SUZ12: variants seen among roughly 807,000 people sequenced by gnomAD.
SUZ12 encodes SUZ12 polycomb repressive complex 2 subunit.
A neutral mutation model predicts 87.3 loss-of-function variants in SUZ12; 17 were observed. The ratio of observed to expected loss-of-function variants is 0.19; its 90% CI spans 0.13 to 0.29. SUZ12 has a LOEUF of 0.29. Ranked by LOEUF, SUZ12 falls within the 10% of genes least tolerant of loss-of-function variation. SUZ12 has a pLI of 1.00. For synonymous variants in SUZ12, 253 were observed against 312.4 expected, an observed-to-expected ratio of 0.81 and a Z score of 2.01; for missense variants, 526 against 912.2, an observed-to-expected ratio of 0.58 and a Z score of 5.45.
chr17:31,964,173 C>T (rs1313801302), intron 4 of SUZ12, among the ~76,000 whole-genome samples: 1 of 149,924 alleles, frequency 6.7e-6, no homozygotes, highest in Admixed American at 6.7e-5. Context: ...ACTACAGGCA[C>T]ACGACACCAT....
At chr17:31,993,525 T>G (rs530715) in intron 11 of SUZ12, among the ~76,000 whole-genome samples, 192 bp downstream of exon 11, 23,699 of 152,064 alleles carry the variant, frequency 0.16, 2,064 homozygotes, top group African/African-American at 0.22. Flanking sequence ...GGGTTCAACC[T>G]GATTCTCACG....
At chr17:31,984,222 C>T (rs1909282875) in intron 9 of SUZ12, among the ~76,000 whole-genome samples, 1 of 152,138 alleles carries the variant, frequency 6.6e-6, no homozygotes, top group Admixed American at 6.5e-5. Context: ...GCATATCATT[C>T]AGGCATAGTC....
At chr17:31,947,518 A>C (rs1906704663) in intron 3 of SUZ12, 99 bp from the exon 4 acceptor site, 6 of 1,410,758 alleles carry the variant, frequency 4.3e-6, no homozygotes, top group Non-Finnish European at 4.8e-6. Flanking sequence ...AAATAATCAA[A>C]ATCTGGTTTC....
intron 5 of SUZ12, among the ~76,000 whole-genome samples, chr17:31,971,467 G>GC (rs1412558962): frequency 9.1e-5 from 10 of 110,128 alleles, no homozygotes; most frequent in Non-Finnish European, 1.2e-4. Flanking sequence ...CGCTCTTGTT[G>GC]CCCAGGCTGG....
At chr17:31,969,996 T>C (rs1295496001) in intron 5 of SUZ12, among the ~76,000 whole-genome samples, 3 of 152,140 alleles carry the variant, frequency 2.0e-5, no homozygotes, top group African/African-American at 7.2e-5. Context: ...CAGTCTTGCT[T>C]CATTGCAGCC....
At chr17:31,958,542 C>G (rs1445503918) in intron 4 of SUZ12, among the ~76,000 whole-genome samples, 1 of 151,888 alleles carries the variant, frequency 6.6e-6, no homozygotes, top group African/African-American at 2.4e-5. Context: ...AAAACCCCAT[C>G]TCTACTAAAA....
At chr17:31,974,433 A>G (rs1475563695) in intron 6 of SUZ12, among the ~76,000 whole-genome samples, 1 of 152,168 alleles carries the variant, frequency 6.6e-6, no homozygotes, top group Admixed American at 6.5e-5. Flanking sequence ...AGGCTGAGGC[A>G]GGAGAATGGT....
At chr17:31,949,679 T>TTTTTG (rs1906842300) in intron 4 of SUZ12, among the ~76,000 whole-genome samples, 1 of 54,148 alleles carries the variant, frequency 1.8e-5, no homozygotes, top group African/African-American at 1.0e-4. Flanking sequence ...CCCCCCCCTT[T>TTTTTG]TTTTTTTTTT....
chr17:31,992,847 G>A (rs1159633700), intron 10 of SUZ12, among the ~76,000 whole-genome samples: 1 of 152,118 alleles, frequency 6.6e-6, no homozygotes, highest in African/African-American at 2.4e-5. Context: ...TGGGATTGCA[G>A]GTGCCCGCCA....
chr17:31,956,338 C>T (rs1406003340), intron 4 of SUZ12, among the ~76,000 whole-genome samples: 1 of 151,956 alleles, frequency 6.6e-6, no homozygotes, highest in African/African-American at 2.4e-5. Flanking sequence ...GGACTACAGG[C>T]GTGTGCCACC....
chr17:31,954,977 C>A (rs1222644500), intron 4 of SUZ12, among the ~76,000 whole-genome samples: 1 of 152,162 alleles, frequency 6.6e-6, no homozygotes, highest in African/African-American at 2.4e-5. Context: ...GTCGTTTGTT[C>A]GTTCTTTTTG....
At chr17:31,950,360 T>C (rs1906892098) in intron 4 of SUZ12, among the ~76,000 whole-genome samples, 1 of 152,188 alleles carries the variant, frequency 6.6e-6, no homozygotes, top group African/African-American at 2.4e-5. Flanking sequence ...AATATAAATA[T>C]TTGCTTCTAA....
At position 31,993,912 on chromosome 17, in the gene SUZ12, C is replaced by T. The variant is rs1229834826; in HGVS notation, c.1341C>T (p.Asp447=). The change falls in exon 12 of 16, where the codon GAC becomes GAT. Residue 447 remains aspartate, a synonymous_variant. Transcript: ENST00000322652. Reference sequence around the variant, plus strand: ...GGCAACAAACTGAAGCAAGAGATGACCTGCATTGCCCTTGGTGTACTCTGA... The same window carrying T: ...GGCAACAAACTGAAGCAAGAGATGATCTGCATTGCCCTTGGTGTACTCTGA... ...NTRQQTEARD[D]LHCPWCTLNC... 1 of 1,613,436 alleles carries T rather than the reference C, an allele frequency of 6.2e-7. No homozygotes were observed.
chr17:31,950,062 C>G (rs1906869446), intron 4 of SUZ12, among the ~76,000 whole-genome samples: 1 of 151,974 alleles, frequency 6.6e-6, no homozygotes, highest in African/African-American at 2.4e-5. Context: ...ATGGCGTGAT[C>G]TCCGCTCACT....
chr17:31,954,420 C>T (rs1245759588), intron 4 of SUZ12, among the ~76,000 whole-genome samples: 3 of 152,042 alleles, frequency 2.0e-5, no homozygotes, highest in Admixed American at 6.6e-5. Flanking sequence ...TCTAAACCTC[C>T]CCCTTTTTAA....
intron 4 of SUZ12, among the ~76,000 whole-genome samples, chr17:31,953,566 CCT>C (rs1423203051): frequency 2.6e-5 from 4 of 151,972 alleles, no homozygotes; most frequent in Non-Finnish European, 4.4e-5. Flanking sequence ...TACTGTCACA[CCT>C]CACTAATTTT....
intron 10 of SUZ12, among the ~76,000 whole-genome samples, chr17:31,990,364 C>A (rs1166168631): frequency 6.6e-6 from 1 of 150,770 alleles, no homozygotes. Context: ...CTCACCTGGG[C>A]CTCCCAAAGT....
chr17:31,938,887 C>T (rs564903151), intron 1 of SUZ12, among the ~76,000 whole-genome samples: 1 of 152,262 alleles, frequency 6.6e-6, no homozygotes, highest in East Asian at 1.9e-4. Flanking sequence ...AGAGCTAGAT[C>T]TGGTCATAAA....
chr17:31,976,465 T>C (rs1598174124), intron 7 of SUZ12, 56 bp from the exon 8 acceptor site: 1 of 1,077,790 alleles, frequency 9.3e-7, no homozygotes, highest in Non-Finnish European at 1.3e-6. Context: ...GGACCATATA[T>C]CATAACACAT....
Sources: allele counts gnomAD v4.1 joint callset (sites outside exome capture counted in the v4.1 genomes callset), GRCh38; gene constraint gnomAD v4.1.1; transcripts MANE v1.5; gene names NCBI Gene and HGNC (gene_info 2026-07-23, HGNC 2026-07-21).